The following IL12RB2 variants were observed in gnomAD, a reference collection of about 807,000 sequenced individuals.
IL12RB2 encodes interleukin 12 receptor subunit beta 2.
In IL12RB2, 82 loss-of-function variants were observed where a neutral mutation model predicts 89.4. The observed-to-expected ratio is 0.92, with a 90% CI of 0.77 to 1.10. The LOEUF is 1.10. Among genes scored for constraint, IL12RB2 ranks in the 50% least tolerant of loss-of-function variants. The pLI is 0.00. For missense variants in IL12RB2, 963 were observed against 1,031.9 expected, an observed-to-expected ratio of 0.93 and a Z score of 0.92; for synonymous variants, 368 against 370.1, an observed-to-expected ratio of 0.99 and a Z score of 0.07.
At chr1:67,381,869 C>T (rs1042978677) in intron 14 of IL12RB2, among the ~76,000 whole-genome samples, 5 of 151,814 alleles carry the variant, frequency 3.3e-5, no homozygotes, top group Non-Finnish European at 5.9e-5. Context: ...GCCTGTAATC[C>T]CAGCTACTTG....
At chr1:67,349,669 G>A (rs1224673875) in intron 9 of IL12RB2, among the ~76,000 whole-genome samples, 4 of 152,120 alleles carry the variant, frequency 2.6e-5, no homozygotes, top group Admixed American at 2.6e-4. Flanking sequence ...TTTGGATCCA[G>A]AAGGGTCACC....
At chr1:67,342,080 A>G (rs1659691390) in intron 9 of IL12RB2, among the ~76,000 whole-genome samples, 1 of 152,208 alleles carries the variant, frequency 6.6e-6, no homozygotes, top group Non-Finnish European at 1.5e-5. Flanking sequence ...GCTGTGGTAC[A>G]AGGGAGTTAT....
intron 2 of IL12RB2, among the ~76,000 whole-genome samples, chr1:67,318,386 T>C (rs1195748567): frequency 6.6e-6 from 1 of 152,110 alleles, no homozygotes; most frequent in Non-Finnish European, 1.5e-5. Flanking sequence ...TCAAAGATAG[T>C]TGGCTCTGTG....
intron 9 of IL12RB2, among the ~76,000 whole-genome samples, chr1:67,347,129 A>C (rs1381595519): frequency 6.6e-6 from 1 of 152,188 alleles, no homozygotes; most frequent in Non-Finnish European, 1.5e-5. Flanking sequence ...TACAGCTGCT[A>C]TGTGGTAGAG....
chr1:67,391,897 C>T (rs1665876586), intron 16 of IL12RB2, among the ~76,000 whole-genome samples: 1 of 152,172 alleles, frequency 6.6e-6, no homozygotes, highest in South Asian at 2.1e-4. Context: ...CCCGCCTCGG[C>T]CTCCCAAAGT....
At chr1:67,326,453 A>G (rs1657297062) in intron 4 of IL12RB2, among the ~76,000 whole-genome samples, 1 of 152,196 alleles carries the variant, frequency 6.6e-6, no homozygotes, top group African/African-American at 2.4e-5. Flanking sequence ...TAATAATAGT[A>G]TCTACCTCAT....
At chr1:67,363,237 A>T in intron 10 of IL12RB2, among the ~76,000 whole-genome samples, 2 of 89,032 alleles carry the variant, frequency 2.2e-5, no homozygotes, top group Admixed American at 1.5e-4. Context: ...TTTTTTTGAG[A>T]CAGAGCTTTG....
At chr1:67,345,764 G>A (rs1249789516) in intron 9 of IL12RB2, among the ~76,000 whole-genome samples, 2 of 152,170 alleles carry the variant, frequency 1.3e-5, no homozygotes, top group African/African-American at 4.8e-5. Context: ...GAAAGAAAGG[G>A]CTGCTTTTCC....
intron 13 of IL12RB2, among the ~76,000 whole-genome samples, chr1:67,373,327 CT>C (rs1663576393): frequency 6.6e-6 from 1 of 152,160 alleles, no homozygotes. Flanking sequence ...CCAGGCTAGT[CT>C]CCAACTCCTG....
intron 13 of IL12RB2, among the ~76,000 whole-genome samples, chr1:67,374,362 G>A (rs1663709316): frequency 6.6e-6 from 1 of 152,052 alleles, no homozygotes; most frequent in Admixed American, 6.5e-5. Context: ...GGAATCAATT[G>A]ATCTCTTCTT....
intron 10 of IL12RB2, among the ~76,000 whole-genome samples, chr1:67,360,362 G>A (rs988315728): frequency 2.0e-5 from 3 of 150,864 alleles, no homozygotes; most frequent in African/African-American, 7.3e-5. Flanking sequence ...TGGCGCCACT[G>A]CACTCCAGCC....
intron 1 of IL12RB2, among the ~76,000 whole-genome samples, chr1:67,313,222 A>AGTGGAATAGCC: frequency 9.5e-6 from 1 of 105,326 alleles, no homozygotes; most frequent in African/African-American, 4.4e-5. Flanking sequence ...ATAGCATCAG[A>AGTGGAATAGCC]TACGGTTACA....
intron 3 of IL12RB2, 67 bp from the exon 4 acceptor site, chr1:67,321,535 A>G (rs1171083016): frequency 1.6e-5 from 17 of 1,042,906 alleles, no homozygotes; most frequent in Middle Eastern, 2.0e-4. Flanking sequence ...GGGGAATTAC[A>G]TAAACTCTTC....
chr1:67,336,863 T>C (rs570171408), intron 8 of IL12RB2, among the ~76,000 whole-genome samples: 1 of 152,302 alleles, frequency 6.6e-6, no homozygotes, highest in South Asian at 2.1e-4. Flanking sequence ...TTTCAGCACT[T>C]CAGTTTTCAA....
At chr1:67,387,700 CAA>C (rs10667103) in intron 15 of IL12RB2, among the ~76,000 whole-genome samples, 8 of 100,690 alleles carry the variant, frequency 7.9e-5, no homozygotes, top group East Asian at 3.0e-4. Context: ...AAGACTGTCT[CAA>C]AAAAAAAAAA....
rs371377217 is a variant in IL12RB2 at position 67,372,761 on chromosome 1, C to T, written c.1695C>T (p.Ser565=). The part of the protein sequence containing the change: ...HYRIYWKERD[S]NSQPQLCEIP... ...GGATATACTGGAAGGAACGGGACTC[C>T]AACTCCCAGCCTCAGCTCTGTGGTA... is the stretch of plus-strand genomic sequence containing the variant. Residue 565 remains serine (S), a synonymous_variant, in exon 13 of 17, where the codon TCC becomes TCT. Coordinates refer to ENST00000674203, the MANE Select transcript of IL12RB2 (RefSeq NM_001374259.2). 61 of 1,608,108 alleles carry T rather than the reference C, an allele frequency of 3.8e-5. No individual in the cohort carries two copies. In the African/African-American group the frequency reaches 4.5e-4, roughly 12 times the overall value.
chr1:67,389,020 T>C (rs549504691), intron 15 of IL12RB2, among the ~76,000 whole-genome samples: 3 of 151,944 alleles, frequency 2.0e-5, no homozygotes, highest in Admixed American at 2.0e-4. Flanking sequence ...ATTGTGAAGA[T>C]CAGTTACAGT....
chr1:67,332,761 G>A lies in IL12RB2; in HGVS notation c.958+1951G>A, dbSNP rs116766835. Among the ~76,000 whole-genome samples, 636 of 152,244 alleles carry A rather than the reference G, an allele frequency of 4.2e-3. 7 individuals are homozygous for A. The highest frequency in any genetic ancestry group is 0.015 in the African/African-American group (616 of 41,534). On this transcript the variant is annotated intron_variant, in intron 8 of 16. Coordinates refer to ENST00000674203, the MANE Select transcript of IL12RB2 (RefSeq NM_001374259.2). The stretch of plus-strand genomic sequence containing the variant: ...ATATTTTATATCCAAGTTCAAGGTA[G>A]TAAGTAGTCTGAAAAATATTTAAGT...
At chr1:67,309,063 C>T (rs1230987758) in intron 1 of IL12RB2, among the ~76,000 whole-genome samples, 10 of 142,520 alleles carry the variant, frequency 7.0e-5, no homozygotes. Context: ...TATATATACA[C>T]ACACACACAT....
Sources: allele counts gnomAD v4.1 joint callset (sites outside exome capture counted in the v4.1 genomes callset), GRCh38; gene constraint gnomAD v4.1.1; transcripts MANE v1.5; gene names NCBI Gene and HGNC (gene_info 2026-07-23, HGNC 2026-07-21).